The following RIN3 variants were observed in gnomAD, a reference collection of about 807,000 sequenced individuals.
RIN3 encodes the protein RAB5 interacting protein 3.
RIN3 carries 54 observed loss-of-function variants against 76.3 expected under a neutral mutation model. The observed-to-expected ratio is 0.71, with a 90% CI of 0.57 to 0.89. The LOEUF (loss-of-function observed/expected upper bound fraction) is 0.89, where lower values mean the gene tolerates loss of function less well. Ranked by LOEUF, RIN3 falls within the 40% of genes least tolerant of loss-of-function variation. The probability of loss-of-function intolerance (pLI) is 0.00; values close to 1 mark genes in which losing one functional copy is unlikely to be tolerated. For missense variants in RIN3, 1,256 were observed against 1,322.1 expected (o/e 0.95, Z 0.78); for synonymous variants, 576 against 564.0 (o/e 1.02, Z -0.30).
At chr14:92,554,116 G>C (rs2140033226) in intron 1 of RIN3, among the ~76,000 whole-genome samples, 1 of 152,224 alleles carries the variant, frequency 6.6e-6, no homozygotes, top group African/African-American at 2.4e-5. Flanking sequence ...GGGTACCCTT[G>C]TCTGTGTGAT....
chr14:92,533,635 T>A (rs1051054685), intron 1 of RIN3, among the ~76,000 whole-genome samples: 1 of 152,152 alleles, frequency 6.6e-6, no homozygotes, highest in South Asian at 2.1e-4. Context: ...CCAAACATCA[T>A]ATGTTCTCAC....
chr14:92,661,758 C>CAAAAAA (rs56180273), intron 7 of RIN3, among the ~76,000 whole-genome samples: 5,103 of 132,936 alleles, frequency 0.038, 168 homozygotes, highest in Non-Finnish European at 0.053. Flanking sequence ...CACACACACA[C>CAAAAAA]AAAAAATAGA....
intron 1 of RIN3, among the ~76,000 whole-genome samples, chr14:92,538,616 T>G (rs958353742): frequency 7.9e-5 from 12 of 152,316 alleles, no homozygotes; most frequent in African/African-American, 2.6e-4. Flanking sequence ...ATTTTAAAAG[T>G]ATCTCTTTGA....
At chr14:92,600,109 A>G (rs1269079767) in intron 3 of RIN3, among the ~76,000 whole-genome samples, 1 of 152,206 alleles carries the variant, frequency 6.6e-6, no homozygotes, top group Non-Finnish European at 1.5e-5. Flanking sequence ...CCCTTGCTTC[A>G]CCACCTGCGC....
intron 4 of RIN3, among the ~76,000 whole-genome samples, chr14:92,628,512 T>C (rs868426318): frequency 6.6e-6 from 1 of 152,214 alleles, no homozygotes; most frequent in Non-Finnish European, 1.5e-5. Context: ...ACTTTCCATG[T>C]GTTCCCTCCA....
intron 1 of RIN3, among the ~76,000 whole-genome samples, chr14:92,532,601 G>T (rs1180669545): frequency 6.6e-6 from 1 of 152,164 alleles, no homozygotes. Flanking sequence ...CAGCAGGGGA[G>T]GGGGAGGCTG....
intron 4 of RIN3, among the ~76,000 whole-genome samples, chr14:92,618,475 T>G (rs924314981): frequency 4.6e-5 from 7 of 152,170 alleles, no homozygotes; most frequent in African/African-American, 1.7e-4. Context: ...TCCCGAAGTT[T>G]TGTTGCAATG....
chr14:92,561,020 T>TAAAA lies in RIN3; in HGVS notation c.249+5087_249+5090dup, dbSNP rs1324990452. On this transcript the variant is annotated intron_variant, in intron 2 of 9. Coordinates refer to ENST00000216487, the MANE Select transcript of RIN3 (RefSeq NM_024832.5). Reference sequence around the variant, plus strand: ...TGGGCAACAAGAGCGAAACTCTGTCTAAAAAAAAAAAAAAAAAAAAAAAAA... The same window carrying TAAAA: ...TGGGCAACAAGAGCGAAACTCTGTCTAAAAAAAAAAAAAAAAAAAAAAAAAAAAA... Among the ~76,000 whole-genome samples the TAAAA allele has an allele frequency of 1.4e-3, 34 of 23,640 alleles. 1 individual carries two copies. Among genetic ancestry groups the TAAAA allele is most frequent in the Non-Finnish European group, 2.3e-3 (30 of 13,012 alleles). The allele number at this position is 23,640 out of a possible 152,430, so 15.5% of individuals were successfully genotyped here. A position where few individuals can be genotyped will look rare whatever the true frequency, so the allele number is the denominator to read the frequency against.
At chr14:92,555,253 G>A (rs1016130448) in intron 1 of RIN3, among the ~76,000 whole-genome samples, 171 of 152,182 alleles carry the variant, frequency 1.1e-3, no homozygotes, top group African/African-American at 4.0e-3. Context: ...AACCCATCCC[G>A]GGTTGCAGTG....
chr14:92,540,912 C>T (rs1021698723), intron 1 of RIN3, among the ~76,000 whole-genome samples: 1 of 152,246 alleles, frequency 6.6e-6, no homozygotes, highest in Non-Finnish European at 1.5e-5. Context: ...TGCTGCTGCT[C>T]TCCCAGGCAG....
intron 1 of RIN3, among the ~76,000 whole-genome samples, chr14:92,538,919 A>G (rs1213264503): frequency 6.6e-6 from 1 of 151,818 alleles, no homozygotes; most frequent in Non-Finnish European, 1.5e-5. Flanking sequence ...CATTACAGAC[A>G]ATGCTCCCCT....
chr14:92,661,991 T>A (rs1887905736), intron 7 of RIN3, among the ~76,000 whole-genome samples: 1 of 152,014 alleles, frequency 6.6e-6, no homozygotes, highest in Admixed American at 6.6e-5. Flanking sequence ...CTGAGTAACC[T>A]CCAGGAAAAA....
intron 8 of RIN3, among the ~76,000 whole-genome samples, chr14:92,683,115 C>T (rs990877834): frequency 2.0e-5 from 3 of 151,878 alleles, no homozygotes; most frequent in African/African-American, 7.3e-5. Context: ...TGCAATGTGC[C>T]TAGATCACGC....
At position 92,527,714 on chromosome 14, in the gene RIN3, G is replaced by A. The variant is rs140232714; in HGVS notation, c.44+13738G>A. 4.9e-4 allele frequency among the ~76,000 whole-genome samples: 75 copies of A among 152,204 alleles called. No individual in the cohort carries two copies. The East Asian group carries it at 0.013, about 26-fold the overall frequency. On this transcript the variant is annotated intron_variant, in intron 1 of 9. Transcript: ENST00000216487. ...CCCCGCGTTTCTGCTTCGTCCCTACGTTCTGCCGTTTCGAGAACGTCCTGT... is the reference window on the plus strand; with the variant it reads ...CCCCGCGTTTCTGCTTCGTCCCTACATTCTGCCGTTTCGAGAACGTCCTGT...
intron 4 of RIN3, among the ~76,000 whole-genome samples, chr14:92,631,611 C>T (rs1323360721): frequency 3.3e-5 from 5 of 151,500 alleles, no homozygotes; most frequent in African/African-American, 7.3e-5. Flanking sequence ...TTGGCGGCGG[C>T]GGGAGTGGGG....
intron 6 of RIN3, among the ~76,000 whole-genome samples, chr14:92,658,726 G>C (rs1881675685): frequency 6.6e-6 from 1 of 152,216 alleles, no homozygotes; most frequent in South Asian, 2.1e-4. Context: ...CTAGAGTCAA[G>C]TGGGTGTGGG....
At chr14:92,628,974 A>G (rs1425667957) in intron 4 of RIN3, among the ~76,000 whole-genome samples, 1 of 152,032 alleles carries the variant, frequency 6.6e-6, no homozygotes, top group Non-Finnish European at 1.5e-5. Flanking sequence ...AATGAAAAAG[A>G]CCCTGGTCCC....
intron 3 of RIN3, among the ~76,000 whole-genome samples, chr14:92,581,202 C>T (rs1898424561): frequency 6.6e-6 from 1 of 152,132 alleles, no homozygotes; most frequent in African/African-American, 2.4e-5. Context: ...AGCGGGTGCT[C>T]CTGGGGTCAC....
rs575608144 is a variant in RIN3, at chr14:92,524,978, C to A, written c.44+11002C>A. On this transcript the variant is annotated intron_variant, in intron 1 of 9. Coordinates refer to ENST00000216487, the MANE Select transcript of RIN3 (RefSeq NM_024832.5). ...CCTAAGTGCAAGTGTCCCACCTCTA[C>A]CTCTTGCAAGAAGCCTCCCAGGCTG... Among the ~76,000 whole-genome samples, 44 of 152,356 alleles carry A rather than the reference C, an allele frequency of 2.9e-4. No homozygotes were observed. The South Asian group carries it at 8.7e-3, about 30-fold the overall frequency.
Sources: allele counts gnomAD v4.1 joint callset (sites outside exome capture counted in the v4.1 genomes callset), GRCh38; gene constraint gnomAD v4.1.1; transcripts MANE v1.5; gene names NCBI Gene and HGNC (gene_info 2026-07-23, HGNC 2026-07-21).